The following GSE1 variants were observed in gnomAD, a reference collection of about 807,000 sequenced individuals.
GSE1 encodes Gse1 coiled-coil protein, also known as genetic suppressor element 1.
In GSE1, 32 loss-of-function variants were observed where a neutral mutation model predicts 112.6. The ratio of observed to expected loss-of-function variants is 0.28; its 90% CI spans 0.21 to 0.38. The LOEUF (loss-of-function observed/expected upper bound fraction) is 0.38. Among genes scored for constraint, GSE1 ranks in the 10% least tolerant of loss-of-function variants. The probability of loss-of-function intolerance (pLI) is 1.00; values close to 1 mark genes in which losing one functional copy is unlikely to be tolerated. For synonymous variants in GSE1, 1,115 were observed against 735.6 expected (o/e 1.52, Z -8.35); for missense variants, 2,348 against 1,699.2 (o/e 1.38, Z -6.71).
intron 12 of GSE1, 135 bp downstream of exon 12, chr16:85,665,263 A>G (rs577888142): frequency 1.6e-6 from 1 of 615,848 alleles, no homozygotes; most frequent in African/African-American, 1.8e-5. Flanking sequence ...TTCTTGTACC[A>G]GCGTACGATT....
intron 2 of GSE1, among the ~76,000 whole-genome samples, chr16:85,548,955 AATTTTTAT>A (rs1467913423): frequency 1.3e-4 from 19 of 151,780 alleles, no homozygotes; most frequent in Non-Finnish European, 1.0e-4. Flanking sequence ...ACGTCCAGCT[AATTTTTAT>A]ATTTTTAGTA....
At chr16:85,200,095 G>T (rs1380558153) in intron 1 of GSE1, among the ~76,000 whole-genome samples, 9 of 152,140 alleles carry the variant, frequency 5.9e-5, no homozygotes, top group African/African-American at 1.7e-4. Context: ...GCGGGCTGAA[G>T]ATAATTCTGC....
At chr16:85,466,988 A>G (rs1408887928) in intron 2 of GSE1, among the ~76,000 whole-genome samples, 1 of 152,268 alleles carries the variant, frequency 6.6e-6, no homozygotes, top group African/African-American at 2.4e-5. Context: ...TGAACCCCAG[A>G]GGCTCAGGTT....
intron 1 of GSE1, among the ~76,000 whole-genome samples, chr16:85,340,642 AAAAC>A (rs780365715): frequency 5.4e-4 from 83 of 152,346 alleles, no homozygotes; most frequent in Non-Finnish European, 1.1e-3. Flanking sequence ...CCCTGTCCCA[AAAAC>A]AAACAAAGAA....
intron 1 of GSE1, among the ~76,000 whole-genome samples, chr16:85,182,773 A>G (rs1349452956): frequency 1.3e-5 from 2 of 152,100 alleles, no homozygotes; most frequent in Admixed American, 1.3e-4. Context: ...TGGGAGGGAC[A>G]GTGGATTGTT....
chr16:85,653,969 C>T (rs1440936450), intron 3 of GSE1, among the ~76,000 whole-genome samples: 2 of 152,288 alleles, frequency 1.3e-5, no homozygotes, highest in East Asian at 1.9e-4. Context: ...TGCCACCCTG[C>T]ATCCTTCACC....
intron 1 of GSE1, among the ~76,000 whole-genome samples, chr16:85,267,302 C>T (rs1336486653): frequency 1.3e-5 from 2 of 151,372 alleles, no homozygotes; most frequent in South Asian, 2.1e-4. Flanking sequence ...GCATATTTTC[C>T]GAAACCATAA....
chr16:85,486,175 C>T (rs113671155), intron 2 of GSE1, among the ~76,000 whole-genome samples: 1 of 152,190 alleles, frequency 6.6e-6, no homozygotes, highest in African/African-American at 2.4e-5. Context: ...CTACTCCCTT[C>T]CTCCCTGCCT....
intron 1 of GSE1, among the ~76,000 whole-genome samples, chr16:85,301,689 C>G (rs1246980420): frequency 6.6e-6 from 1 of 152,204 alleles, no homozygotes; most frequent in Non-Finnish European, 1.5e-5. Context: ...GCCTCTGTGC[C>G]CTTGAAGCTG....
At chr16:85,652,825 G>C (rs1055490486) in intron 3 of GSE1, among the ~76,000 whole-genome samples, 1 of 152,184 alleles carries the variant, frequency 6.6e-6, no homozygotes. Flanking sequence ...CTTGTGGGGA[G>C]ACGGCCATGG....
intron 1 of GSE1, among the ~76,000 whole-genome samples, chr16:85,263,646 C>G (rs1400016893): frequency 6.6e-6 from 1 of 151,386 alleles, no homozygotes; most frequent in African/African-American, 2.4e-5. Context: ...GATTTTGGCT[C>G]ACTGCAACCT....
chr16:85,595,343 T>C (rs987008322), intron 1 of GSE1: 2 of 152,278 alleles, frequency 1.3e-5, no homozygotes, highest in African/African-American at 2.4e-5. Flanking sequence ...TCCTTTCTCT[T>C]TGGGGGCCCA....
chr16:85,411,028 C>A (rs1336071585), intron 2 of GSE1, among the ~76,000 whole-genome samples: 1 of 90,260 alleles, frequency 1.1e-5, no homozygotes. Flanking sequence ...CCTGGATAAT[C>A]CTCACTGTTA....
intron 2 of GSE1, among the ~76,000 whole-genome samples, chr16:85,450,117 C>CTTTTTTTTTTTTT (rs59854597): frequency 1.3e-5 from 1 of 79,506 alleles, no homozygotes; most frequent in Non-Finnish European, 2.2e-5. Flanking sequence ...AGGCAGCTGA[C>CTTTTTTTTTTTTT]TTTTTTTTTT....
intron 1 of GSE1, among the ~76,000 whole-genome samples, chr16:85,599,998 A>T (rs566757105): frequency 1.3e-5 from 2 of 152,254 alleles, no homozygotes; most frequent in East Asian, 3.9e-4. Context: ...GGACCTGGCA[A>T]GGTCCCTCCT....
intron 1 of GSE1, among the ~76,000 whole-genome samples, chr16:85,218,977 T>G (rs1002661190): frequency 2.0e-5 from 3 of 152,170 alleles, no homozygotes; most frequent in Admixed American, 6.5e-5. Flanking sequence ...CCTCCCGGGT[T>G]CACACCATTC....
intron 1 of GSE1, among the ~76,000 whole-genome samples, chr16:85,331,393 G>T (rs977844017): frequency 1.1e-5 from 1 of 91,544 alleles, no homozygotes; most frequent in Admixed American, 1.0e-4. Flanking sequence ...GTATATATAT[G>T]TGTATATATG....
chr16:85,385,000 T>C (rs1183269362), intron 2 of GSE1, among the ~76,000 whole-genome samples: 4 of 152,232 alleles, frequency 2.6e-5, no homozygotes, highest in Non-Finnish European at 5.9e-5. Flanking sequence ...TGGCCTCGGA[T>C]TGGCTCGGCC....
intron 1 of GSE1, among the ~76,000 whole-genome samples, chr16:85,263,037 A>ATG (rs1907870147): frequency 3.3e-5 from 5 of 152,200 alleles, no homozygotes; most frequent in African/African-American, 1.2e-4. Context: ...CGGATCCCAC[A>ATG]GATCGCGGGA....
Sources: allele counts gnomAD v4.1 joint callset (sites outside exome capture counted in the v4.1 genomes callset), GRCh38; gene constraint gnomAD v4.1.1; transcripts MANE v1.5; gene names NCBI Gene and HGNC (gene_info 2026-07-23, HGNC 2026-07-21).